The following OSBPL9 variants were observed in gnomAD, a reference collection of about 807,000 sequenced individuals.
OSBPL9 encodes oxysterol binding protein like 9.
In OSBPL9, 40 loss-of-function variants were observed where a neutral mutation model predicts 106.6. The observed-to-expected ratio is 0.38, with a 90% CI of 0.29 to 0.49. The LOEUF (loss-of-function observed/expected upper bound fraction) is 0.49, where lower values mean the gene tolerates loss of function less well. Among genes scored for constraint, OSBPL9 ranks in the 20% least tolerant of loss-of-function variants. The pLI is 0.97. For missense variants in OSBPL9, 609 were observed against 887.2 expected, an observed-to-expected ratio of 0.69 and a Z score of 3.98; for synonymous variants, 269 against 295.4, an observed-to-expected ratio of 0.91 and a Z score of 0.92.
intron 3 of OSBPL9, among the ~76,000 whole-genome samples, chr1:51,682,012 G>A (rs1652663562): frequency 1.3e-5 from 2 of 151,922 alleles, no homozygotes; most frequent in African/African-American, 2.4e-5. Flanking sequence ...AACCAGCCTG[G>A]GCAACATGGC....
At chr1:51,585,578 C>T (rs1468158214) in intron 1 of OSBPL9, among the ~76,000 whole-genome samples, 1 of 152,084 alleles carries the variant, frequency 6.6e-6, no homozygotes, top group South Asian at 2.1e-4. Context: ...GAGTTCGAGA[C>T]CAGCCTGACC....
At chr1:51,786,409 G>A (rs1677640627) in intron 21 of OSBPL9, 117 bp from the exon 22 acceptor site, 1 of 645,850 alleles carries the variant, frequency 1.5e-6, no homozygotes, top group Non-Finnish European at 2.7e-6. Flanking sequence ...AACAGGAGGA[G>A]CCAGTTAACT....
At chr1:51,532,538 G>GA in the OSBPL9 span, among the ~76,000 whole-genome samples, 1 of 152,200 alleles carries the variant, frequency 6.6e-6, no homozygotes, top group Non-Finnish European at 1.5e-5. Context: ...GGATGGACTT[G>GA]AAAATGTAGT....
At chr1:51,657,268 C>T (rs1261069894) in intron 2 of OSBPL9, among the ~76,000 whole-genome samples, 1 of 152,058 alleles carries the variant, frequency 6.6e-6, no homozygotes, top group African/African-American at 2.4e-5. Context: ...CTAAAAAGAA[C>T]AAAGCAAAAC....
chr1:51,628,537 T>G (rs1250965156), intron 1 of OSBPL9, among the ~76,000 whole-genome samples: 1 of 151,340 alleles, frequency 6.6e-6, no homozygotes, highest in Non-Finnish European at 1.5e-5. Context: ...GGAGCTGAGA[T>G]TGCGCCACTG....
intron 3 of OSBPL9, among the ~76,000 whole-genome samples, chr1:51,680,949 G>C (rs899262428): frequency 1.3e-5 from 2 of 151,874 alleles, no homozygotes; most frequent in Non-Finnish European, 2.9e-5. Flanking sequence ...AATTTTAAAG[G>C]CATGCCAACT....
intron 9 of OSBPL9, among the ~76,000 whole-genome samples, chr1:51,758,606 A>G (rs1278433183): frequency 6.6e-6 from 1 of 152,150 alleles, no homozygotes; most frequent in Non-Finnish European, 1.5e-5. Context: ...AAAGTTTTTA[A>G]GTGTTTTCTT....
At position 51,788,858 on chromosome 1, in the gene OSBPL9, C is replaced by CATCT. The variant is rs57584439; in HGVS notation, c.*1070_*1073dup. 2.7e-5 allele frequency among the ~76,000 whole-genome samples: 4 copies of CATCT among 150,918 alleles called. No individual in the cohort carries two copies. Among genetic ancestry groups the CATCT allele is most frequent in the Non-Finnish European group, 4.4e-5 (3 of 67,676 alleles). Reference sequence around the variant, plus strand: ...GAACTATATCTATCTATCTATCTATCATCTTTTTTATTTAAAAATACATTA... The same window carrying CATCT: ...GAACTATATCTATCTATCTATCTATCATCTATCTTTTTTATTTAAAAATACATTA... On this transcript the variant is annotated 3_prime_UTR_variant, in exon 24 of 24. Transcript: ENST00000428468.
intron 1 of OSBPL9, among the ~76,000 whole-genome samples, chr1:51,639,855 C>T (rs1053461872): frequency 2.5e-5 from 3 of 118,772 alleles, no homozygotes; most frequent in East Asian, 2.8e-4. Flanking sequence ...GATAGGGTCT[C>T]GCTCTGTGGT....
At chr1:51,673,481 C>G (rs6703438) in intron 3 of OSBPL9, among the ~76,000 whole-genome samples, 7,608 of 152,204 alleles carry the variant, frequency 0.05, 432 homozygotes, top group African/African-American at 0.14. Flanking sequence ...ATTCAGTAAA[C>G]AGGGAAGAAT....
chr1:51,674,599 T>A (rs1650724537), intron 3 of OSBPL9, among the ~76,000 whole-genome samples: 1 of 152,318 alleles, frequency 6.6e-6, no homozygotes, highest in South Asian at 2.1e-4. Context: ...GAACTAGAAG[T>A]TGAAAATATG....
At chr1:51,692,348 G>A (rs1655133996) in intron 3 of OSBPL9, among the ~76,000 whole-genome samples, 1 of 152,114 alleles carries the variant, frequency 6.6e-6, no homozygotes, top group Admixed American at 6.5e-5. Context: ...ATGTTAAAAA[G>A]TATAGTATAG....
chr1:51,714,554 G>A (rs1660683185), intron 4 of OSBPL9, among the ~76,000 whole-genome samples: 1 of 152,180 alleles, frequency 6.6e-6, no homozygotes, highest in South Asian at 2.1e-4. Context: ...AAGTAAATCT[G>A]GTTAGATGTG....
chr1:51,581,664 A>AT (rs1248243561), intron 1 of OSBPL9, among the ~76,000 whole-genome samples: 2 of 151,760 alleles, frequency 1.3e-5, no homozygotes, highest in African/African-American at 4.8e-5. Context: ...CCTTATTATT[A>AT]TTTTTTTTAG....
Position 51,685,993 on chromosome 1 carries a change from CAG to C in OSBPL9, c.241+16482_241+16483del, listed in dbSNP as rs34671700. On this transcript the variant is annotated intron_variant, in intron 3 of 23. Coordinates refer to ENST00000428468, the MANE Select transcript of OSBPL9 (RefSeq NM_024586.6). ...TAGGTAACTGCCCAGTGGGAGGAAT[CAG>C]GGGATCAAATAAAAGAAAATTGAAC... is the stretch of plus-strand genomic sequence containing the variant. Among the ~76,000 whole-genome samples, 85 of 152,190 alleles carry C rather than the reference CAG, an allele frequency of 5.6e-4. No individual in the cohort carries two copies. In the East Asian group the frequency reaches 0.01, roughly 18 times the overall value.
At chr1:51,660,665 C>G (rs1218700106) in intron 2 of OSBPL9, among the ~76,000 whole-genome samples, 1 of 152,192 alleles carries the variant, frequency 6.6e-6, no homozygotes, top group Admixed American at 6.5e-5. Context: ...CTTGTTGAAT[C>G]AATGAATGAA....
chr1:51,614,723 C>G (rs1488116068), upstream of OSBPL9, among the ~76,000 whole-genome samples: 1 of 152,132 alleles, frequency 6.6e-6, no homozygotes, highest in Non-Finnish European at 1.5e-5. Context: ...TGCTTACTAT[C>G]TACCAGGCTC....
At chr1:51,644,119 A>G (rs1331393139) in intron 1 of OSBPL9, among the ~76,000 whole-genome samples, 1 of 150,498 alleles carries the variant, frequency 6.6e-6, no homozygotes, top group Non-Finnish European at 1.5e-5. Context: ...AGGTGATACA[A>G]TATTGGGATG....
chr1:51,660,253 A>G (rs990369769), intron 2 of OSBPL9, among the ~76,000 whole-genome samples: 1 of 152,204 alleles, frequency 6.6e-6, no homozygotes, highest in African/African-American at 2.4e-5. Context: ...TTATGATGTC[A>G]AGATAGAGCA....
Sources: gnomAD v4.1 joint callset for allele counts (sites outside exome capture counted in the v4.1 genomes callset) on GRCh38, gnomAD v4.1.1 for gene constraint, MANE v1.5 for transcripts, NCBI Gene and HGNC (gene_info 2026-07-23, HGNC 2026-07-21) for gene names.